The following DNAJB13 variants were observed in gnomAD, a reference collection of about 807,000 sequenced individuals.
DNAJB13 encodes dnaJ homolog subfamily B member 13.
A neutral mutation model predicts 35.6 loss-of-function variants in DNAJB13; 22 were observed. The ratio of observed to expected loss-of-function variants is 0.62; its 90% CI spans 0.44 to 0.88. The LOEUF (loss-of-function observed/expected upper bound fraction) is 0.88. Among genes scored for constraint, DNAJB13 ranks in the 40% least tolerant of loss-of-function variants. The pLI is 0.00. For synonymous variants in DNAJB13, 136 were observed against 144.2 expected, an observed-to-expected ratio of 0.94 and a Z score of 0.41; for missense variants, 370 against 384.3, an observed-to-expected ratio of 0.96 and a Z score of 0.31.
At chr11:73,951,182 G>T (rs768039784) in intron 1 of DNAJB13, 45 bp downstream of exon 1, 1 of 1,606,666 alleles carries the variant, frequency 6.2e-7, no homozygotes, top group Non-Finnish European at 8.5e-7. Flanking sequence ...GCTGGGGCAG[G>T]CCCTGCCCTC....
Position 73,964,963 on chromosome 11 carries a change from C to T in DNAJB13, c.420C>T (p.Val140=), listed in dbSNP as rs754082758. The change falls in exon 4 of 8, where the codon GTC becomes GTT. Residue 140 remains valine, a synonymous_variant. Transcript: ENST00000339764. ...GRGVKKQDPQ[V]ERDLYLSLED... is the part of the protein sequence containing the mutation. The stretch of plus-strand genomic sequence containing the variant: ...GGGTCAAGAAGCAGGACCCCCAAGT[C>T]GAACGGGATCTCTACCTGTCCCTGG... 3.0e-5 allele frequency: 48 copies of T among 1,612,974 alleles called. No individual in the cohort carries two copies. In the South Asian group the frequency reaches 4.8e-4, roughly 16 times the overall value.
rs760309852 is a variant in DNAJB13 at position 73,964,808 on chromosome 11, T to TGCGC, written c.335-69_335-68insCGCG. On this transcript the variant is annotated intron_variant, in intron 3 of 7. Transcript: ENST00000339764. ...GTGTGTGTGTGTGTGTGTGTGTGTGTGTGTGCGCGCGCGCGCATGTCTGGG... is the reference window on the plus strand; with the variant it reads ...GTGTGTGTGTGTGTGTGTGTGTGTGTGCGCGTGTGCGCGCGCGCGCATGTCTGGG... 2.7e-3 allele frequency: 1,963 copies of TGCGC among 725,956 alleles called. 31 individuals carry two copies. The African/African-American group carries it at 0.028, about 10-fold the overall frequency. 45.0% of individuals were successfully genotyped at this position (725,956 alleles called of 1,614,324 possible).
In DNAJB13 at chr11:73,970,207, T is replaced by A; in HGVS notation, c.*93T>A. 6.9e-7 allele frequency: 1 copy of A among 1,451,082 alleles called. No homozygotes were observed. Among genetic ancestry groups the A allele is most frequent in the Non-Finnish European group, 9.2e-7 (1 of 1,088,482 alleles). 89.9% of individuals were successfully genotyped at this position (1,451,082 alleles called of 1,614,324 possible). On this transcript the variant is annotated 3_prime_UTR_variant, in exon 8 of 8. Transcript: ENST00000339764. ...CCTCAGGGTGTGCAGGGGAGCCTGC[T>A]GCACAGATATGATACAAGGGTGGGA...
rs180805792 is a variant in DNAJB13, at chr11:73,954,522, C to A, written c.68+3385C>A. 6.4e-3 allele frequency among the ~76,000 whole-genome samples: 886 copies of A among 137,714 alleles called. 11 individuals are homozygous for A. The highest frequency in any genetic ancestry group is 0.023 in the African/African-American group (842 of 36,906). The allele number at this position is 137,714 out of a possible 152,430, so 90.3% of individuals were successfully genotyped here. A position where few individuals can be genotyped will look rare whatever the true frequency, so the allele number is the denominator to read the frequency against. On this transcript the variant is annotated intron_variant, in intron 1 of 7. Transcript: ENST00000339764. Reference sequence around the variant, plus strand: ...GCAGGTGCCTGTAGTCCCAGCTACTCGGGAGGGTGAGGCAGGAGAATGGCG... The same window carrying A: ...GCAGGTGCCTGTAGTCCCAGCTACTAGGGAGGGTGAGGCAGGAGAATGGCG...
At chr11:73,968,030 A>AC (rs1353288988) in intron 5 of DNAJB13, 20 of 490,534 alleles carry the variant, frequency 4.1e-5, no homozygotes, top group Middle Eastern at 5.1e-4. Context: ...ACAGAGACAT[A>AC]CGGGCAGTTG....
At position 73,968,475 on chromosome 11, in the gene DNAJB13, C is replaced by G. The variant is rs201781253; in HGVS notation, c.720+17C>G. 8.7e-6 allele frequency: 14 copies of G among 1,606,870 alleles called. No individual in the cohort carries two copies. The highest frequency in any genetic ancestry group is 1.3e-5 in the African/African-American group (1 of 74,920). ...CTTGGCAAGGTGAGTGGGCAAAGTG[C>G]AGGAGCAGCGGGGAGGAGATCAGAG... On this transcript the variant is annotated intron_variant, in intron 6 of 7. Transcript: ENST00000339764.
At chr11:73,962,959 T>C (rs1950974846) in intron 3 of DNAJB13, among the ~76,000 whole-genome samples, 1 of 152,186 alleles carries the variant, frequency 6.6e-6, no homozygotes, top group African/African-American at 2.4e-5. Flanking sequence ...CCCAGCTTCC[T>C]AACCATTACA....
Position 73,963,467 on chromosome 11 carries a change from C to T in DNAJB13, c.335-1411C>T, listed in dbSNP as rs1018008681. ...GGAGCCAAGTGAGTCTACAGGGCAT[C>T]GCTCATTGGGAAAGGTCAGGCTCAG... On this transcript the variant is annotated intron_variant, in intron 3 of 7. Coordinates refer to ENST00000339764, the MANE Select transcript of DNAJB13 (RefSeq NM_153614.4). Among the ~76,000 whole-genome samples, 18 of 152,290 alleles carry T rather than the reference C, an allele frequency of 1.2e-4. No individual in the cohort carries two copies. In the East Asian group the frequency reaches 2.1e-3, roughly 18 times the overall value.
chr11:73,970,168 C>T lies in DNAJB13; in HGVS notation c.*54C>T. 1 of 1,504,812 alleles carries T rather than the reference C, an allele frequency of 6.6e-7. No homozygotes were observed. Among genetic ancestry groups the T allele is most frequent in the Non-Finnish European group, 8.9e-7 (1 of 1,128,188 alleles). 93.2% of individuals were successfully genotyped at this position (1,504,812 alleles called of 1,614,324 possible). On this transcript the variant is annotated 3_prime_UTR_variant, in exon 8 of 8. Coordinates refer to ENST00000339764, the MANE Select transcript of DNAJB13 (RefSeq NM_153614.4). ...GAGGCTAGCCGGGCCTCACCCCACCCCTACCCGCCACAGCCTCAGGGTGTG... is the reference window on the plus strand; with the variant it reads ...GAGGCTAGCCGGGCCTCACCCCACCTCTACCCGCCACAGCCTCAGGGTGTG...
In DNAJB13 at chr11:73,966,163, C is replaced by T. The variant is rs1412452715; in HGVS notation, c.518C>T (p.Ser173Phe). 6.2e-7 allele frequency: 1 copy of T among 1,613,582 alleles called. No individual in the cohort carries two copies. Among genetic ancestry groups the T allele is most frequent in the Admixed American group, 1.7e-5 (1 of 59,954 alleles). The change falls in exon 5 of 8, where the codon TCC becomes TTC. Residue 173 changes from serine (S) to phenylalanine (F), a missense_variant. Ser to Phe is a radical substitution (Grantham distance 155). Transcript: ENST00000339764. ...GTGCTGAACGAGGATGGGTACTCCT[C>T]CACCATCAAGGACAAGATCCTGACC... Reference protein sequence around the residue: ...RRVLNEDGYSSTIKDKILTID... With the variant: ...RRVLNEDGYSFTIKDKILTID...
rs765697242 is a variant in DNAJB13, at chr11:73,959,564, A to C, written c.243A>C (p.Gly81=). ...AGGGTGGGATTCCTTTGGAGTTTGG[A>C]TCCCAGACCCCATGGACAACTGGTT... ...GLKGGIPLEF[G]SQTPWTTGYV... is the part of the protein sequence containing the mutation. The change falls in exon 3 of 8, where the codon GGA becomes GGC. Residue 81 remains glycine (G), a synonymous_variant. Coordinates refer to ENST00000339764, the MANE Select transcript of DNAJB13 (RefSeq NM_153614.4). 1.2e-6 allele frequency: 2 copies of C among 1,614,142 alleles called. No homozygotes were observed. The highest frequency in any genetic ancestry group is 2.2e-5 in the South Asian group (2 of 91,076).
rs1413136470 is a variant in DNAJB13 at position 73,970,157 on chromosome 11, C to T, written c.*43C>T. On this transcript the variant is annotated 3_prime_UTR_variant, in exon 8 of 8. Coordinates refer to ENST00000339764, the MANE Select transcript of DNAJB13 (RefSeq NM_153614.4). Reference sequence around the variant, plus strand: ...AGGGGTGAGAGGAGGCTAGCCGGGCCTCACCCCACCCCTACCCGCCACAGC... The same window carrying T: ...AGGGGTGAGAGGAGGCTAGCCGGGCTTCACCCCACCCCTACCCGCCACAGC... 1.9e-6 allele frequency: 3 copies of T among 1,539,704 alleles called. No homozygotes were observed. The highest frequency in any genetic ancestry group is 2.6e-6 in the Non-Finnish European group (3 of 1,144,308).
chr11:73,964,878 A>T lies in DNAJB13; in HGVS notation c.335A>T (p.Glu112Val), dbSNP rs757590887. 1.2e-6 allele frequency: 2 copies of T among 1,612,334 alleles called. No homozygotes were observed. The highest frequency in any genetic ancestry group is 2.7e-5 in the African/African-American group (2 of 74,556). ...EFFGGNNPFS[E>V]FFDAEGSEVD... is the part of the protein sequence containing the mutation. ...TTACTCCTCTCCCTACCTCCTGCAGAGTTTTTTGATGCAGAAGGAAGTGAG... is the reference window on the plus strand; with the variant it reads ...TTACTCCTCTCCCTACCTCCTGCAGTGTTTTTTGATGCAGAAGGAAGTGAG... The change falls in exon 4 of 8, where the codon GAG becomes GTG. Residue 112 changes from glutamate (E) to valine (V), a missense_variant and splice_region_variant. Transcript: ENST00000339764.
chr11:73,952,793 A>G (rs1950620082), intron 1 of DNAJB13, among the ~76,000 whole-genome samples: 1 of 152,214 alleles, frequency 6.6e-6, no homozygotes, highest in Non-Finnish European at 1.5e-5. Flanking sequence ...TGGGCAAATT[A>G]CTTAACCTCT....
intron 1 of DNAJB13, among the ~76,000 whole-genome samples, chr11:73,954,412 C>T (rs1197674532): frequency 4.0e-5 from 6 of 151,356 alleles, no homozygotes; most frequent in Non-Finnish European, 5.9e-5. Flanking sequence ...GGGCGGATCA[C>T]GAGTTCAGGA....
chr11:73,969,016 C>G (rs1258859021), intron 6 of DNAJB13, among the ~76,000 whole-genome samples: 1 of 152,202 alleles, frequency 6.6e-6, no homozygotes, highest in East Asian at 1.9e-4. Flanking sequence ...CGCTTTTATT[C>G]TGTCTCCATC....
chr11:73,957,276 G>C (rs1275528841), intron 1 of DNAJB13, among the ~76,000 whole-genome samples: 1 of 152,226 alleles, frequency 6.6e-6, no homozygotes, highest in Admixed American at 6.5e-5. Flanking sequence ...TCAGTCAGCT[G>C]TGTCGCTTGA....
chr11:73,953,701 G>A (rs1396993931), intron 1 of DNAJB13, among the ~76,000 whole-genome samples: 1 of 152,090 alleles, frequency 6.6e-6, no homozygotes. Context: ...CAGGCCTGGC[G>A]CTGGGCTGCC....
chr11:73,961,018 G>T (rs1950918260), intron 3 of DNAJB13, among the ~76,000 whole-genome samples: 1 of 152,282 alleles, frequency 6.6e-6, no homozygotes, highest in Non-Finnish European at 1.5e-5. Flanking sequence ...CAGGTGTGGT[G>T]GCTCACTCCT....
Sources: allele counts gnomAD v4.1 joint callset (sites outside exome capture counted in the v4.1 genomes callset), GRCh38; gene constraint gnomAD v4.1.1; transcripts MANE v1.5; gene names NCBI Gene and HGNC (gene_info 2026-07-23, HGNC 2026-07-21).